Variants in MYCBP2 observed in about 807,000 individuals in gnomAD.
MYCBP2 encodes MYC binding protein 2, also known as E3 ubiquitin-protein ligase MYCBP2.
In MYCBP2, 120 loss-of-function variants were observed where a neutral mutation model predicts 525.3. The observed-to-expected ratio is 0.23, with a 90% CI of 0.20 to 0.27. The LOEUF (loss-of-function observed/expected upper bound fraction) is 0.27, where lower values mean the gene tolerates loss of function less well. Among genes scored for constraint, MYCBP2 ranks in the 10% least tolerant of loss-of-function variants. The pLI, the probability that MYCBP2 is intolerant of heterozygous loss-of-function variation, is 1.00. For missense variants in MYCBP2, 4,149 were observed against 5,657.1 expected, an observed-to-expected ratio of 0.73 and a Z score of 8.55; for synonymous variants, 1,894 against 1,955.8, an observed-to-expected ratio of 0.97 and a Z score of 0.83.
chr13:77,056,856 G>T, intron 79 of MYCBP2, 130 bp downstream of exon 79: 1 of 655,316 alleles, frequency 1.5e-6, no homozygotes, highest in South Asian at 1.9e-5. Flanking sequence ...GGTTCCACAT[G>T]AATGAGAAGG....
intron 38 of MYCBP2, among the ~76,000 whole-genome samples, chr13:77,170,683 T>A (rs2059045315): frequency 6.6e-6 from 1 of 151,920 alleles, no homozygotes; most frequent in African/African-American, 2.4e-5. Context: ...TTCAAGCGAT[T>A]CTCCTGCCTC....
intron 40 of MYCBP2, among the ~76,000 whole-genome samples, chr13:77,167,708 T>C (rs9600826): frequency 0.016 from 2,488 of 152,340 alleles, 42 homozygotes; most frequent in Non-Finnish European, 0.025. Context: ...TCAATAAATA[T>C]CATAAATGTG....
intron 8 of MYCBP2, among the ~76,000 whole-genome samples, chr13:77,266,032 G>A (rs2154341159): frequency 6.6e-6 from 1 of 152,200 alleles, no homozygotes; most frequent in East Asian, 1.9e-4. Context: ...GTTAAACAAA[G>A]CAACGAGATT....
At chr13:77,142,478 C>T (rs2054840166) in intron 49 of MYCBP2, among the ~76,000 whole-genome samples, 1 of 152,200 alleles carries the variant, frequency 6.6e-6, no homozygotes, top group Admixed American at 6.5e-5. Context: ...CATACAATTA[C>T]ATCAATGTAA....
At chr13:77,257,374 T>G (rs188770915) in intron 14 of MYCBP2, among the ~76,000 whole-genome samples, 231 of 152,138 alleles carry the variant, frequency 1.5e-3, no homozygotes, top group African/African-American at 5.3e-3. Context: ...CTTTAACAAC[T>G]GAGGGAGTAT....
chr13:77,187,510 A>G (rs773924990), intron 30 of MYCBP2, among the ~76,000 whole-genome samples: 11 of 152,216 alleles, frequency 7.2e-5, no homozygotes, highest in Non-Finnish European at 1.0e-4. Flanking sequence ...AGCAAGATGA[A>G]ATAACAAAAA....
intron 55 of MYCBP2, chr13:77,099,247 T>C (rs1481319941): frequency 2.9e-5 from 16 of 546,840 alleles, no homozygotes. Context: ...AAACAACAGG[T>C]TGAACAAATC....
Position 77,096,501 on chromosome 13 carries a change from T to C in MYCBP2, c.9785-20A>G. On this transcript the variant is annotated intron_variant, in intron 56 of 82. Transcript: ENST00000544440. The stretch of plus-strand genomic sequence containing the variant: ...CACAACCTTGAAACAATACCAAAAA[T>C]AAATATTTAACACTCCAAGTGTCCT... 1 of 1,611,996 alleles carries C rather than the reference T, an allele frequency of 6.2e-7. No individual in the cohort carries two copies. The highest frequency in any genetic ancestry group is 8.5e-7 in the Non-Finnish European group (1 of 1,178,820).
Position 77,158,136 on chromosome 13 carries a change from T to G in MYCBP2, c.6598-27A>C, listed in dbSNP as rs769876081. The G allele has an allele frequency of 1.6e-5, 23 of 1,428,872 alleles. No homozygotes were observed. The South Asian group carries it at 3.2e-4, about 20-fold the overall frequency. The allele number at this position is 1,428,872 out of a possible 1,614,324, so 88.5% of individuals were successfully genotyped here. ...TGTTAAGTAAAAAAGAATATTTATA[T>G]ATTCTTAAAAATAAAACTTTAATTA... On this transcript the variant is annotated intron_variant, in intron 44 of 82. Coordinates refer to ENST00000544440, the MANE Select transcript of MYCBP2 (RefSeq NM_015057.5).
At chr13:77,190,503 G>C (rs1334851306) in intron 28 of MYCBP2, among the ~76,000 whole-genome samples, 168 bp from the exon 29 acceptor site, 3 of 152,156 alleles carry the variant, frequency 2.0e-5, no homozygotes, top group African/African-American at 7.2e-5. Context: ...GAATGGGTTA[G>C]TCAGTAAAAT....
intron 18 of MYCBP2, among the ~76,000 whole-genome samples, chr13:77,231,372 A>G (rs2067109701): frequency 1.3e-5 from 2 of 152,206 alleles, no homozygotes; most frequent in South Asian, 4.1e-4. Flanking sequence ...CTGGGATTAC[A>G]GGCATGTGCC....
At position 77,078,827 on chromosome 13, in the gene MYCBP2, C is replaced by T. The variant is rs140311566; in HGVS notation, c.11481G>A (p.Lys3827=). 2.8e-4 allele frequency: 451 copies of T among 1,613,362 alleles called. 2 individuals are homozygous for T. The African/African-American group carries it at 5.5e-3, about 20-fold the overall frequency. The change falls in exon 66 of 83, where the codon AAG becomes AAA. Residue 3827 remains lysine, a synonymous_variant. Transcript: ENST00000544440. ...TTAATGACAAAATTTCAATTACCTG[C>T]TTTATTCTGCACAAATCTTCTACTG... is the stretch of plus-strand genomic sequence containing the variant. The part of the protein sequence containing the change: ...GKAVEDLCRI[K]QVDLDSRHIG...
intron 2 of MYCBP2, among the ~76,000 whole-genome samples, chr13:77,293,781 C>T (rs1289827843): frequency 1.3e-5 from 2 of 152,086 alleles, no homozygotes; most frequent in Admixed American, 1.3e-4. Flanking sequence ...CAACCCAAGA[C>T]ATCTGAGCAG....
intron 61 of MYCBP2, among the ~76,000 whole-genome samples, 160 bp downstream of exon 61, chr13:77,088,672 C>G (rs1452390842): frequency 6.6e-6 from 1 of 152,018 alleles, no homozygotes; most frequent in Admixed American, 6.6e-5. Flanking sequence ...TATTCATAAA[C>G]TTTAGAGTCT....
At chr13:77,187,784 C>T (rs1231871866) in intron 30 of MYCBP2, among the ~76,000 whole-genome samples, 3 of 151,938 alleles carry the variant, frequency 2.0e-5, no homozygotes, top group Non-Finnish European at 4.4e-5. Context: ...CGGTGGCTCA[C>T]ACCTGTAATC....
intron 15 of MYCBP2, among the ~76,000 whole-genome samples, chr13:77,250,893 T>C (rs1043585383): frequency 6.6e-6 from 1 of 152,070 alleles, no homozygotes; most frequent in Non-Finnish European, 1.5e-5. Flanking sequence ...CTTGAAAAAC[T>C]TATGGTCTGT....
chr13:77,082,970 C>G, intron 63 of MYCBP2, 62 bp downstream of exon 63: 3 of 1,474,954 alleles, frequency 2.0e-6, no homozygotes, highest in Non-Finnish European at 2.7e-6. Context: ...GCATTTCATA[C>G]TTTGAATATT....
At position 77,146,717 on chromosome 13, in the gene MYCBP2, A is replaced by C. The variant is rs548037885; in HGVS notation, c.7132-500T>G. ...TAAACTTGGAGGAAAATACGAATTA[A>C]AACAAAACTAAAATAAATCACATCA... is the stretch of plus-strand genomic sequence containing the variant. On this transcript the variant is annotated intron_variant, in intron 47 of 82. Coordinates refer to ENST00000544440, the MANE Select transcript of MYCBP2 (RefSeq NM_015057.5). Among the ~76,000 whole-genome samples the C allele has an allele frequency of 9.8e-5, 15 of 152,298 alleles. No individual in the cohort carries two copies. In the East Asian group the frequency reaches 2.7e-3, roughly 27 times the overall value.
intron 43 of MYCBP2, among the ~76,000 whole-genome samples, chr13:77,162,972 G>A (rs1467584927): frequency 1.3e-5 from 2 of 152,092 alleles, no homozygotes; most frequent in East Asian, 3.9e-4. Context: ...AGTAATGTAT[G>A]CAAAAATGGG....
Sources: allele counts gnomAD v4.1 joint callset (sites outside exome capture counted in the v4.1 genomes callset), GRCh38; gene constraint gnomAD v4.1.1; transcripts MANE v1.5; gene names NCBI Gene and HGNC (gene_info 2026-07-23, HGNC 2026-07-21).